NRXN3: variants seen among roughly 807,000 people sequenced by gnomAD.
NRXN3 encodes neurexin III.
Under a neutral mutation model 137.6 loss-of-function variants are expected in NRXN3, and 32 were observed. That is an observed-to-expected ratio of 0.23 (90% CI 0.18 to 0.31). NRXN3 has a LOEUF of 0.31. Ranked by LOEUF, NRXN3 falls within the 10% of genes least tolerant of loss-of-function variation. The probability of loss-of-function intolerance (pLI) is 1.00; values close to 1 mark genes in which losing one functional copy is unlikely to be tolerated. For missense variants in NRXN3, 1,574 were observed against 2,062.5 expected (o/e 0.76, Z 4.59); for synonymous variants, 798 against 784.5 (o/e 1.02, Z -0.29).
chr14:78,961,185 C>T (rs550508391), intron 11 of NRXN3, among the ~76,000 whole-genome samples: 1 of 152,152 alleles, frequency 6.6e-6, no homozygotes, highest in Admixed American at 6.5e-5. Flanking sequence ...TGTAAGCCTT[C>T]GTTTTCTTAA....
intron 15 of NRXN3, among the ~76,000 whole-genome samples, chr14:79,362,832 G>C (rs1210678526): frequency 6.6e-6 from 1 of 152,144 alleles, no homozygotes; most frequent in African/African-American, 2.4e-5. Flanking sequence ...CAGATTACTG[G>C]GTTGAATGGC....
chr14:78,460,401 A>G (rs545775778), intron 4 of NRXN3, among the ~76,000 whole-genome samples: 1 of 152,290 alleles, frequency 6.6e-6, no homozygotes, highest in African/African-American at 2.4e-5. Context: ...ATCATGCCTT[A>G]GTTTTTCTGG....
intron 4 of NRXN3, among the ~76,000 whole-genome samples, chr14:78,585,810 A>G (rs1419128165): frequency 6.6e-6 from 1 of 152,126 alleles, no homozygotes; most frequent in African/African-American, 2.4e-5. Context: ...TTGGACTTGC[A>G]TTTCCGTGTC....
intron 1 of NRXN3, among the ~76,000 whole-genome samples, chr14:78,215,748 G>A (rs2063192737): frequency 1.0e-5 from 1 of 100,390 alleles, no homozygotes; most frequent in Non-Finnish European, 1.8e-5. Context: ...TGCTGGGGGG[G>A]TTTCGTTTGT....
Position 78,943,620 on chromosome 14 carries a change from AAATATAT to A in NRXN3, c.2276-13620_2276-13614del, listed in dbSNP as rs1232826797. On this transcript the variant is annotated intron_variant, in intron 10 of 20. Transcript: ENST00000335750. ...AAGCAAGATCACTGTTAAAAAAAAA[AAATATAT>A]ATATATATATATATATATATATATA... is the stretch of plus-strand genomic sequence containing the variant. Among the ~76,000 whole-genome samples the A allele has an allele frequency of 1.6e-3, 50 of 32,096 alleles. 3 individuals are homozygous for A. Among genetic ancestry groups the A allele is most frequent in the African/African-American group, 2.3e-3 (11 of 4,862 alleles). 21.1% of individuals were successfully genotyped at this position (32,096 alleles called of 152,430 possible).
At chr14:78,266,800 A>C (rs2071825144) in intron 2 of NRXN3, among the ~76,000 whole-genome samples, 1 of 152,208 alleles carries the variant, frequency 6.6e-6, no homozygotes, top group African/African-American at 2.4e-5. Context: ...AAGAAGAAGA[A>C]ATCAACCTTG....
chr14:78,715,163 A>G, intron 8 of NRXN3, 24 bp downstream of exon 8: 5 of 1,593,612 alleles, frequency 3.1e-6, no homozygotes, highest in Non-Finnish European at 3.4e-6. Context: ...GAGGATGGCA[A>G]GTGAGGGCCT....
intron 16 of NRXN3, among the ~76,000 whole-genome samples, chr14:79,657,470 G>A (rs547030458): frequency 1.3e-5 from 2 of 152,218 alleles, no homozygotes; most frequent in African/African-American, 2.4e-5. Flanking sequence ...TTTCTGAAAG[G>A]CATCTTCTCT....
At chr14:78,195,780 A>T (rs1056863469) in intron 1 of NRXN3, among the ~76,000 whole-genome samples, 1 of 152,292 alleles carries the variant, frequency 6.6e-6, no homozygotes, top group African/African-American at 2.4e-5. Context: ...AGTGGAAGAG[A>T]CCTTTCTCAG....
At chr14:78,364,805 G>C (rs1271674775) in intron 4 of NRXN3, among the ~76,000 whole-genome samples, 2 of 152,316 alleles carry the variant, frequency 1.3e-5, no homozygotes, top group East Asian at 3.9e-4. Flanking sequence ...AACCAGCACT[G>C]TATGAGAGCA....
intron 15 of NRXN3, among the ~76,000 whole-genome samples, chr14:79,378,712 C>A (rs374673661): frequency 3.3e-5 from 5 of 152,024 alleles, no homozygotes; most frequent in Admixed American, 3.3e-4. Context: ...GTAATGCTAG[C>A]GTTGACCTTA....
At chr14:78,912,503 G>T (rs2099241829) in intron 10 of NRXN3, among the ~76,000 whole-genome samples, 1 of 151,934 alleles carries the variant, frequency 6.6e-6, no homozygotes, top group Non-Finnish European at 1.5e-5. Context: ...ACAATGAACT[G>T]CTTAGTTTCA....
At chr14:78,513,887 A>C (rs2096156976) in intron 4 of NRXN3, among the ~76,000 whole-genome samples, 1 of 152,146 alleles carries the variant, frequency 6.6e-6, no homozygotes, top group Non-Finnish European at 1.5e-5. Context: ...ATCTCTCCAT[A>C]ACTAGTCTAC....
chr14:78,491,146 T>C (rs1427500534), intron 4 of NRXN3, among the ~76,000 whole-genome samples: 2 of 152,176 alleles, frequency 1.3e-5, no homozygotes, highest in African/African-American at 2.4e-5. Flanking sequence ...AGCTAAGCTC[T>C]CCTGGAAACT....
chr14:79,169,375 C>G (rs2061569677), intron 15 of NRXN3, among the ~76,000 whole-genome samples: 1 of 152,088 alleles, frequency 6.6e-6, no homozygotes, highest in Non-Finnish European at 1.5e-5. Flanking sequence ...TCTTATTAGT[C>G]CTTTTGTAAA....
intron 15 of NRXN3, among the ~76,000 whole-genome samples, chr14:79,235,115 G>T (rs1234533214): frequency 6.6e-6 from 1 of 152,118 alleles, no homozygotes; most frequent in South Asian, 2.1e-4. Context: ...AGTTCTGTTA[G>T]TCTTCTCTTC....
intron 4 of NRXN3, among the ~76,000 whole-genome samples, chr14:78,551,345 T>C (rs1158863579): frequency 6.6e-6 from 1 of 152,230 alleles, no homozygotes; most frequent in Non-Finnish European, 1.5e-5. Context: ...GCCTTCTTGA[T>C]AATTCAGAAG....
At chr14:78,191,900 A>G (rs2060769093) in intron 1 of NRXN3, among the ~76,000 whole-genome samples, 1 of 152,090 alleles carries the variant, frequency 6.6e-6, no homozygotes. Flanking sequence ...ACTCCTGGGT[A>G]TCTGGCCCTG....
chr14:78,378,349 G>A (rs902939816), intron 4 of NRXN3, among the ~76,000 whole-genome samples: 3 of 152,124 alleles, frequency 2.0e-5, no homozygotes, highest in African/African-American at 7.2e-5. Flanking sequence ...GCCAGGCATG[G>A]TGGTGCACAG....
Sources: gnomAD v4.1 joint callset for allele counts (sites outside exome capture counted in the v4.1 genomes callset) on GRCh38, gnomAD v4.1.1 for gene constraint, MANE v1.5 for transcripts, NCBI Gene and HGNC (gene_info 2026-07-23, HGNC 2026-07-21) for gene names.